Variants in ACP7 observed in about 807,000 individuals in gnomAD.
ACP7 encodes acid phosphatase 7, tartrate resistant (putative).
In ACP7, 58 loss-of-function variants were observed where a neutral mutation model predicts 60.6. That is an observed-to-expected ratio of 0.96 (90% CI 0.77 to 1.19). The LOEUF (loss-of-function observed/expected upper bound fraction) is 1.19. ACP7 is among the 50% of genes most tolerant of loss of function. ACP7 has a pLI of 0.00. For missense variants in ACP7, 574 were observed against 596.2 expected, an observed-to-expected ratio of 0.96 and a Z score of 0.39; for synonymous variants, 237 against 232.6, an observed-to-expected ratio of 1.02 and a Z score of -0.17.
chr19:39,108,249 C>T, intron 12 of ACP7, among the ~76,000 whole-genome samples: 1 of 151,266 alleles, frequency 6.6e-6, no homozygotes, highest in Non-Finnish European at 1.5e-5. Context: ...AGGCAATTCT[C>T]CTACCTCAGC....
At position 39,107,578 on chromosome 19, in the gene ACP7, C is replaced by CAAAAA. The variant is rs34130688; in HGVS notation, c.1251+512_1251+516dup. ...TGGGCGACTGAGCAAGACTCTGTCT[C>CAAAAA]AAAAAAAAAAAAAAAAAAAAAATTA... On this transcript the variant is annotated intron_variant, in intron 12 of 12. Coordinates refer to ENST00000331256, the MANE Select transcript of ACP7 (RefSeq NM_001004318.3). 1.6e-3 allele frequency among the ~76,000 whole-genome samples: 131 copies of CAAAAA among 81,194 alleles called. 1 individual carries two copies. The highest frequency in any genetic ancestry group is 6.1e-3 in the African/African-American group (129 of 21,246). The allele number at this position is 81,194 out of a possible 152,430, so 53.3% of individuals were successfully genotyped here.
intron 3 of ACP7, 61 bp downstream of exon 3, chr19:39,098,719 T>G: frequency 6.6e-7 from 1 of 1,514,374 alleles, no homozygotes; most frequent in South Asian, 1.3e-5. Flanking sequence ...GGATGCAGAC[T>G]AGAAGCTACC....
chr19:39,102,765 T>TTCTTTC (rs1316628357), intron 11 of ACP7, among the ~76,000 whole-genome samples: 48 of 107,444 alleles, frequency 4.5e-4, no homozygotes, highest in African/African-American at 1.2e-3. Context: ...CTTTCTTTCT[T>TTCTTTC]TCTCTCTCTC....
At chr19:39,092,326 A>G (rs2073212380) in intron 2 of ACP7, among the ~76,000 whole-genome samples, 1 of 152,068 alleles carries the variant, frequency 6.6e-6, no homozygotes, top group African/African-American at 2.4e-5. Context: ...GTGAGCCGAA[A>G]TTGTGCTATT....
Position 39,086,651 on chromosome 19 carries a change from GA to G in ACP7, c.121+1262del, listed in dbSNP as rs371746735. Among the ~76,000 whole-genome samples, 53 of 127,522 alleles carry G rather than the reference GA, an allele frequency of 4.2e-4. 1 individual carries two copies. The highest frequency in any genetic ancestry group is 3.8e-3 in the Middle Eastern group (1 of 266). 83.7% of individuals were successfully genotyped at this position (127,522 alleles called of 152,430 possible). A position where few individuals can be genotyped will look rare whatever the true frequency, so the allele number is the denominator to read the frequency against. On this transcript the variant is annotated intron_variant, in intron 2 of 12. Coordinates refer to ENST00000331256, the MANE Select transcript of ACP7 (RefSeq NM_001004318.3). ...TCTCAAAAAAAAAAAAGGGGGGGGG[GA>G]GGGGGATAGAACGGAGCTTGGCATG...
intron 2 of ACP7, among the ~76,000 whole-genome samples, chr19:39,096,593 T>C (rs541790699): frequency 4.6e-5 from 7 of 152,286 alleles, no homozygotes; most frequent in Admixed American, 1.3e-4. Context: ...GTTACCCAGT[T>C]CCAAAGCTGC....
intron 2 of ACP7, among the ~76,000 whole-genome samples, chr19:39,090,286 A>T (rs2073189496): frequency 1.3e-5 from 2 of 151,452 alleles, no homozygotes. Context: ...CTTCTGCCTC[A>T]GCCTCCTGAG....
At chr19:39,091,594 T>C (rs2073205180) in intron 2 of ACP7, among the ~76,000 whole-genome samples, 1 of 152,180 alleles carries the variant, frequency 6.6e-6, no homozygotes, top group Non-Finnish European at 1.5e-5. Flanking sequence ...TACACGAAGC[T>C]GCATATTCAC....
In ACP7 at chr19:39,100,756, C is replaced by A. The variant is rs145628180; in HGVS notation, c.710C>A (p.Ala237Asp). The change falls in exon 7 of 13, where the codon GCC (alanine) becomes GAC (aspartate). Residue 237 changes from alanine to aspartate, a missense_variant. Coordinates refer to ENST00000331256, the MANE Select transcript of ACP7 (RefSeq NM_001004318.3). ...TCCTCCAGCTGGGATCTGGGTCCCG[C>A]CCACATCATCTCCTTCTCCACCGAG... ...GLWYSWDLGP[A>D]HIISFSTEVY... 26 of 1,614,030 alleles carry A rather than the reference C, an allele frequency of 1.6e-5. No individual in the cohort carries two copies. The highest frequency in any genetic ancestry group is 2.1e-5 in the Non-Finnish European group (25 of 1,179,998).
In ACP7 at chr19:39,100,397, A is replaced by G. The variant is rs1252176989; in HGVS notation, c.629+47A>G. The G allele has an allele frequency of 5.6e-6, 9 of 1,609,084 alleles. No homozygotes were observed. The Admixed American group carries it at 1.3e-4, about 24-fold the overall frequency. On this transcript the variant is annotated intron_variant, in intron 5 of 12. Transcript: ENST00000331256. ...GGTGGGCGAGGGCTGGATCAATGGA[A>G]ATGGTCTCGTTCTTCTTAGTGTCTC...
chr19:39,109,912 CTG>C, intron 12 of ACP7, 139 bp from the exon 13 acceptor site: 1 of 738,896 alleles, frequency 1.4e-6, no homozygotes, highest in Non-Finnish European at 2.3e-6. Flanking sequence ...ATGAGGAAAA[CTG>C]AGGCCCAGAG....
chr19:39,092,729 A>C (rs1003458968), intron 2 of ACP7, among the ~76,000 whole-genome samples: 8 of 150,366 alleles, frequency 5.3e-5, no homozygotes, highest in Non-Finnish European at 1.2e-4. Flanking sequence ...GACTCAGACC[A>C]GTGTCTCTGT....
At chr19:39,091,410 C>T (rs1016557532) in intron 2 of ACP7, among the ~76,000 whole-genome samples, 8 of 152,008 alleles carry the variant, frequency 5.3e-5, no homozygotes, top group Admixed American at 3.9e-4. Context: ...ATCTGCCTGC[C>T]TCAGCCTCCC....
chr19:39,102,120 T>TCACACA (rs561424510), intron 11 of ACP7, among the ~76,000 whole-genome samples: 3,034 of 145,618 alleles, frequency 0.021, 102 homozygotes, highest in African/African-American at 0.07. Flanking sequence ...ACCCTTTCTC[T>TCACACA]CACACACACA....
At chr19:39,099,368 TGCCAGGA>T (rs1464526764) in intron 4 of ACP7, among the ~76,000 whole-genome samples, 1 of 152,186 alleles carries the variant, frequency 6.6e-6, no homozygotes. Context: ...CTGGCGCTCT[TGCCAGGA>T]GCAGGGGTTT....
At chr19:39,104,567 A>G (rs1048072067) in intron 11 of ACP7, among the ~76,000 whole-genome samples, 5 of 152,166 alleles carry the variant, frequency 3.3e-5, no homozygotes, top group African/African-American at 1.2e-4. Flanking sequence ...TTTTATCAGC[A>G]CAAATTGGTT....
At chr19:39,103,639 C>T (rs911144914) in intron 11 of ACP7, among the ~76,000 whole-genome samples, 1 of 151,834 alleles carries the variant, frequency 6.6e-6, no homozygotes, top group Non-Finnish European at 1.5e-5. Flanking sequence ...CCAGTCTGGG[C>T]AACATGGTGA....
At chr19:39,090,848 A>G (rs1179071140) in intron 2 of ACP7, among the ~76,000 whole-genome samples, 1 of 144,960 alleles carries the variant, frequency 6.9e-6, no homozygotes. Context: ...CCTTCCATCT[A>G]ATTGAAATTT....
intron 2 of ACP7, among the ~76,000 whole-genome samples, chr19:39,097,535 A>G (rs1020397876): frequency 2.6e-5 from 4 of 151,520 alleles, no homozygotes; most frequent in East Asian, 3.9e-4. Flanking sequence ...CTGCACCTCC[A>G]GCCTGGGCAA....
Sources: allele counts gnomAD v4.1 joint callset (sites outside exome capture counted in the v4.1 genomes callset), GRCh38; gene constraint gnomAD v4.1.1; transcripts MANE v1.5; gene names NCBI Gene and HGNC (gene_info 2026-07-23, HGNC 2026-07-21).